The following GINS1 variants were observed in gnomAD, a reference collection of about 807,000 sequenced individuals.
GINS1 encodes the protein GINS complex subunit 1, also known as DNA replication complex GINS protein PSF1.
In GINS1, 26 loss-of-function variants were observed where a neutral mutation model predicts 34.9. That is an observed-to-expected ratio of 0.74 (90% CI 0.55 to 1.03). The LOEUF (loss-of-function observed/expected upper bound fraction) is 1.03, where lower values mean the gene tolerates loss of function less well. Among genes scored for constraint, GINS1 ranks in the 50% least tolerant of loss-of-function variants. GINS1 has a pLI of 0.00. For missense variants in GINS1, 235 were observed against 237.9 expected (o/e 0.99, Z 0.08); for synonymous variants, 97 against 84.4 (o/e 1.15, Z -0.82).
Position 25,441,718 on chromosome 20 carries a change from A to G in GINS1, c.464A>G (p.Asp155Gly), listed in dbSNP as rs2146223886. The G allele has an allele frequency of 6.4e-7, 1 of 1,562,706 alleles. No homozygotes were observed. Among genetic ancestry groups the G allele is most frequent in the Non-Finnish European group, 8.8e-7 (1 of 1,142,384 alleles). The change falls in exon 6 of 7, where the codon GAC (aspartate) becomes GGC (glycine). Residue 155 changes from aspartate (D) to glycine (G), a missense_variant. Asp to Gly is a moderately conservative substitution (Grantham distance 94). Coordinates refer to ENST00000262460, the MANE Select transcript of GINS1 (RefSeq NM_021067.5). ...SLYIEVRCLK[D>G]YGEFEVDDGT... is the part of the protein sequence containing the mutation. ...TTCTTTCAGGTCCGGTGTCTAAAAG[A>G]CTATGGAGAATTTGAAGTTGATGAT...
At chr20:25,442,245 AC>A (rs1301124913) in intron 6 of GINS1, among the ~76,000 whole-genome samples, 3 of 152,212 alleles carry the variant, frequency 2.0e-5, no homozygotes, top group Non-Finnish European at 4.4e-5. Flanking sequence ...TGGTATATAA[AC>A]ATAACAATTT....
chr20:25,426,641 T>C (rs146220728), intron 5 of GINS1, among the ~76,000 whole-genome samples: 4,108 of 151,408 alleles, frequency 0.027, 177 homozygotes, highest in African/African-American at 0.09. Flanking sequence ...TTCTCTGGCC[T>C]CAGCCTCCCA....
intron 5 of GINS1, among the ~76,000 whole-genome samples, chr20:25,431,155 G>C (rs1047655990): frequency 6.6e-6 from 1 of 152,076 alleles, no homozygotes; most frequent in Admixed American, 6.6e-5. Flanking sequence ...GTGTTTCTGG[G>C]AATTTGTCCA....
At chr20:25,410,591 T>A (rs2090278061) in intron 1 of GINS1, among the ~76,000 whole-genome samples, 1 of 151,924 alleles carries the variant, frequency 6.6e-6, no homozygotes, top group South Asian at 2.1e-4. Flanking sequence ...GATGGGAGTT[T>A]CGCTCCTGTG....
chr20:25,441,600 A>G, intron 5 of GINS1, 102 bp from the exon 6 acceptor site: 1 of 650,152 alleles, frequency 1.5e-6, no homozygotes, highest in South Asian at 2.0e-5. Flanking sequence ...GGAAACAAAC[A>G]AAGTCCTTAT....
chr20:25,413,539 G>T (rs139321343), intron 1 of GINS1: 167 of 451,618 alleles, frequency 3.7e-4, no homozygotes, highest in African/African-American at 3.0e-3. Context: ...AATTCTGTGT[G>T]TAGCTTTTGA....
At chr20:25,433,046 A>G (rs2090436071) in intron 5 of GINS1, among the ~76,000 whole-genome samples, 2 of 151,902 alleles carry the variant, frequency 1.3e-5, no homozygotes, top group Non-Finnish European at 1.5e-5. Context: ...CTTTCAATCT[A>G]TTAATGTTTG....
intron 5 of GINS1, among the ~76,000 whole-genome samples, chr20:25,432,776 T>C (rs2090434458): frequency 6.6e-6 from 1 of 151,340 alleles, no homozygotes; most frequent in Non-Finnish European, 1.5e-5. Flanking sequence ...AGATGAATTG[T>C]TATTAGATGT....
In GINS1 at chr20:25,416,102, T is replaced by A. The variant is rs73333506; in HGVS notation, c.141-1002T>A. On this transcript the variant is annotated intron_variant, in intron 2 of 6. Transcript: ENST00000262460. ...GTAAGTGTGGACAGGTGGTGGTGTG[T>A]TTGTGTCTTAAAAGATAATGCTGGT... Among the ~76,000 whole-genome samples, 997 of 152,138 alleles carry A rather than the reference T, an allele frequency of 6.6e-3. 16 individuals carry two copies. Among genetic ancestry groups the A allele is most frequent in the African/African-American group, 0.023 (955 of 41,498 alleles).
rs35678682 is a variant in GINS1, at chr20:25,429,285, G to A, written c.447+3958G>A. On this transcript the variant is annotated intron_variant, in intron 5 of 6. Transcript: ENST00000262460. ...ATTACAGGCATGAGCCACCACGCCC[G>A]GCCCCATTCCTCTTTTTAAAGGTTG... is the stretch of plus-strand genomic sequence containing the variant. Among the ~76,000 whole-genome samples the A allele has an allele frequency of 3.5e-4, 53 of 152,162 alleles. 1 individual carries two copies. The East Asian group carries it at 7.9e-3, about 23-fold the overall frequency.
intron 1 of GINS1, among the ~76,000 whole-genome samples, chr20:25,410,658 G>A (rs1464491547): frequency 7.9e-5 from 12 of 151,954 alleles, no homozygotes; most frequent in Admixed American, 7.9e-4. Context: ...CGCCTTCTGG[G>A]TTAAGCAATT....
In GINS1 at chr20:25,415,426, G is replaced by T. The variant is rs576244687; in HGVS notation, c.140+1572G>T. Among the ~76,000 whole-genome samples the T allele has an allele frequency of 9.8e-5, 15 of 152,328 alleles. No individual in the cohort carries two copies. In the South Asian group the frequency reaches 2.5e-3, roughly 25 times the overall value. On this transcript the variant is annotated intron_variant, in intron 2 of 6. Coordinates refer to ENST00000262460, the MANE Select transcript of GINS1 (RefSeq NM_021067.5). ...CCGGGCTGGGCACAGTGTGGCCCAT[G>T]CCTGTAGTCCCAGCACTTTGGGAGG...
At chr20:25,438,988 A>G (rs1286071472) in intron 5 of GINS1, among the ~76,000 whole-genome samples, 1 of 152,254 alleles carries the variant, frequency 6.6e-6, no homozygotes, top group East Asian at 1.9e-4. Context: ...CATTGTCTTT[A>G]CTATACAAAC....
intron 1 of GINS1, among the ~76,000 whole-genome samples, chr20:25,411,661 A>G (rs1318548404): frequency 6.6e-6 from 1 of 152,040 alleles, no homozygotes; most frequent in Non-Finnish European, 1.5e-5. Flanking sequence ...TACAAAAATT[A>G]GCCAGACTTG....
At chr20:25,440,373 A>T (rs2090475655) in intron 5 of GINS1, among the ~76,000 whole-genome samples, 1 of 152,208 alleles carries the variant, frequency 6.6e-6, no homozygotes, top group Admixed American at 6.5e-5. Flanking sequence ...AGGTGAAATG[A>T]TGTCTAAGAT....
chr20:25,423,452 C>A (rs991649179), intron 4 of GINS1, among the ~76,000 whole-genome samples: 1 of 29,992 alleles, frequency 3.3e-5, no homozygotes, highest in Non-Finnish European at 5.8e-5. Flanking sequence ...TTTTTCTTTT[C>A]TTTTTTTTTT....
chr20:25,413,614 G>C (rs774030483), intron 1 of GINS1, 176 bp from the exon 2 acceptor site: 2 of 586,362 alleles, frequency 3.4e-6, no homozygotes, highest in East Asian at 5.7e-5. Context: ...ATGTACGAGG[G>C]TTCCAGTTTC....
intron 6 of GINS1, among the ~76,000 whole-genome samples, chr20:25,444,311 C>T (rs2090499557): frequency 1.3e-5 from 2 of 152,152 alleles, no homozygotes; most frequent in Non-Finnish European, 2.9e-5. Context: ...CTGCGCCTGG[C>T]TGGGAAACAT....
At chr20:25,440,656 C>A (rs573686187) in intron 5 of GINS1, among the ~76,000 whole-genome samples, 1 of 151,482 alleles carries the variant, frequency 6.6e-6, no homozygotes, top group African/African-American at 2.4e-5. Context: ...ACTAAAAATA[C>A]AAAAATTAGT....
Sources: allele counts gnomAD v4.1 joint callset (sites outside exome capture counted in the v4.1 genomes callset), GRCh38; gene constraint gnomAD v4.1.1; transcripts MANE v1.5; gene names NCBI Gene and HGNC (gene_info 2026-07-23, HGNC 2026-07-21).